PPP6R2: variants seen among roughly 807,000 people sequenced by gnomAD.
PPP6R2 encodes the protein serine/threonine-protein phosphatase 6 regulatory subunit 2.
Under a neutral mutation model 100.2 loss-of-function variants are expected in PPP6R2, and 62 were observed. That is an observed-to-expected ratio of 0.62 (90% CI 0.50 to 0.76). The LOEUF is 0.76. Ranked by LOEUF, PPP6R2 falls within the 30% of genes least tolerant of loss-of-function variation. The pLI, the probability that PPP6R2 is intolerant of heterozygous loss-of-function variation, is 0.00. For missense variants in PPP6R2, 1,142 were observed against 1,276.3 expected (o/e 0.89, Z 1.60); for synonymous variants, 525 against 514.7 (o/e 1.02, Z -0.27).
chr22:50,424,201 G>A (rs1161612709), intron 10 of PPP6R2, among the ~76,000 whole-genome samples: 1 of 152,194 alleles, frequency 6.6e-6, no homozygotes, highest in African/African-American at 2.4e-5. Context: ...GAAGGGCACT[G>A]CCCTAGTGGG....
intron 1 of PPP6R2, among the ~76,000 whole-genome samples, chr22:50,365,873 A>G (rs1199996697): frequency 6.6e-6 from 1 of 151,916 alleles, no homozygotes; most frequent in Non-Finnish European, 1.5e-5. Context: ...GATTATAGAC[A>G]TGAGCCCCTG....
intron 3 of PPP6R2, among the ~76,000 whole-genome samples, chr22:50,395,878 T>C (rs1039109916): frequency 1.3e-5 from 2 of 151,546 alleles, no homozygotes; most frequent in Non-Finnish European, 2.9e-5. Flanking sequence ...GTTTTACCTT[T>C]ACCTGTTTAA....
At chr22:50,356,230 C>G (rs1254434541) in intron 1 of PPP6R2, among the ~76,000 whole-genome samples, 1 of 151,944 alleles carries the variant, frequency 6.6e-6, no homozygotes, top group South Asian at 2.1e-4. Context: ...TCCCAAAATG[C>G]TGGGATTACA....
At chr22:50,437,415 G>C in intron 15 of PPP6R2, 91 bp from the exon 16 acceptor site, 1 of 868,022 alleles carries the variant, frequency 1.2e-6, no homozygotes, top group Non-Finnish European at 1.9e-6. Flanking sequence ...AACAACTAGA[G>C]AGATTGTGGT....
chr22:50,377,275 GA>G (rs1569333997), intron 2 of PPP6R2, among the ~76,000 whole-genome samples: 1 of 152,004 alleles, frequency 6.6e-6, no homozygotes, highest in East Asian at 1.9e-4. Context: ...GCAACATGGT[GA>G]AAACCTGTCT....
chr22:50,349,704 G>A (rs970679956), intron 1 of PPP6R2, among the ~76,000 whole-genome samples: 1 of 151,464 alleles, frequency 6.6e-6, no homozygotes, highest in African/African-American at 2.4e-5. Flanking sequence ...GCATGCGCCT[G>A]TAATCCCAGC....
chr22:50,436,274 C>A, intron 13 of PPP6R2, 93 bp from the exon 14 acceptor site: 1 of 1,148,192 alleles, frequency 8.7e-7, no homozygotes, highest in South Asian at 1.4e-5. Context: ...CCCCATCCTC[C>A]CGGACCCAGG....
intron 4 of PPP6R2, among the ~76,000 whole-genome samples, chr22:50,409,307 C>T (rs1336243473): frequency 1.3e-5 from 2 of 152,202 alleles, no homozygotes; most frequent in African/African-American, 2.4e-5. Context: ...CATGAACCCC[C>T]ATGTCTCTGT....
At chr22:50,350,469 G>C (rs1386855829) in intron 1 of PPP6R2, among the ~76,000 whole-genome samples, 1 of 151,812 alleles carries the variant, frequency 6.6e-6, no homozygotes, top group African/African-American at 2.4e-5. Context: ...GACTTCAGGT[G>C]ATCTGCCTGC....
chr22:50,371,227 G>A (rs1156307460), intron 1 of PPP6R2, among the ~76,000 whole-genome samples: 1 of 152,144 alleles, frequency 6.6e-6, no homozygotes, highest in Non-Finnish European at 1.5e-5. Flanking sequence ...ACAGTGGTTT[G>A]TGCTTGTAAT....
intron 1 of PPP6R2, 30 bp from the exon 2 acceptor site, chr22:50,371,990 T>TA (rs1569318484): frequency 6.6e-6 from 1 of 152,168 alleles, no homozygotes; most frequent in African/African-American, 2.4e-5. Flanking sequence ...AGGAAGAACT[T>TA]AAAGCAAGAT....
chr22:50,394,761 C>T (rs576183848), intron 3 of PPP6R2, among the ~76,000 whole-genome samples: 5 of 151,646 alleles, frequency 3.3e-5, no homozygotes, highest in Admixed American at 6.6e-5. Context: ...AAAAAATTAG[C>T]CGGGCATGGT....
upstream of PPP6R2, among the ~76,000 whole-genome samples, chr22:50,338,751 A>G (rs373224375): frequency 0.012 from 714 of 58,498 alleles, 6 homozygotes; most frequent in African/African-American, 0.044. Flanking sequence ...GTTATGTGGT[A>G]TGTGTGGTAG....
At chr22:50,412,604 T>C (rs1226779970) in intron 4 of PPP6R2, among the ~76,000 whole-genome samples, 3 of 151,902 alleles carry the variant, frequency 2.0e-5, no homozygotes, top group Admixed American at 6.6e-5. Context: ...TATTCTGATT[T>C]TGTTTCTTGT....
the PPP6R2 span, among the ~76,000 whole-genome samples, chr22:50,333,339 C>CT: frequency 3.1e-3 from 436 of 140,524 alleles, 1 homozygote; most frequent in East Asian, 9.7e-3. Context: ...TGTTCTTTTT[C>CT]TTTTTTTTTT....
intron 2 of PPP6R2, among the ~76,000 whole-genome samples, chr22:50,392,493 G>A (rs2055834736): frequency 6.6e-6 from 1 of 152,244 alleles, no homozygotes; most frequent in South Asian, 2.1e-4. Flanking sequence ...CATGGGCAGT[G>A]CCCGCCCAGT....
At chr22:50,341,592 G>C (rs1220879786), upstream of PPP6R2, among the ~76,000 whole-genome samples, 1 of 152,194 alleles carries the variant, frequency 6.6e-6, no homozygotes, top group Admixed American at 6.6e-5. Flanking sequence ...TAGAAGCAGG[G>C]GGCCCCTGTA....
chr22:50,338,246 T>C, the PPP6R2 span, among the ~76,000 whole-genome samples: 4 of 106,480 alleles, frequency 3.8e-5, no homozygotes, highest in African/African-American at 1.9e-4. Flanking sequence ...TGTGGTGTGT[T>C]TGTGTCTATG....
At chr22:50,418,354 T>C (rs903116540) in intron 6 of PPP6R2, among the ~76,000 whole-genome samples, 1 of 152,098 alleles carries the variant, frequency 6.6e-6, no homozygotes, top group African/African-American at 2.4e-5. Context: ...AATCTTTCTT[T>C]GTAGGAAACT....
Sources: gnomAD v4.1 joint callset for allele counts (sites outside exome capture counted in the v4.1 genomes callset) on GRCh38, gnomAD v4.1.1 for gene constraint, MANE v1.5 for transcripts, NCBI Gene and HGNC (gene_info 2026-07-23, HGNC 2026-07-21) for gene names.